Variants in ANKRD17 observed in about 807,000 individuals in gnomAD.
ANKRD17 encodes the protein ankyrin repeat domain 17, also known as ankyrin repeat domain-containing protein 17.
Under a neutral mutation model 229.7 loss-of-function variants are expected in ANKRD17, and 19 were observed. The ratio of observed to expected loss-of-function variants is 0.08; its 90% confidence interval spans 0.06 to 0.12. The LOEUF (loss-of-function observed/expected upper bound fraction) is 0.12, where lower values mean the gene tolerates loss of function less well. Among genes scored for constraint, ANKRD17 ranks in the 10% least tolerant of loss-of-function variants. ANKRD17 has a pLI of 1.00. For synonymous variants in ANKRD17, 1,112 were observed against 1,146.1 expected (o/e 0.97, Z 0.60); for missense variants, 2,176 against 3,176.8 (o/e 0.68, Z 7.57).
chr4:73,244,468 T>A (rs191989956), intron 1 of ANKRD17, among the ~76,000 whole-genome samples: 4 of 152,256 alleles, frequency 2.6e-5, no homozygotes, highest in Admixed American at 6.5e-5. Context: ...TTAAAAAAAA[T>A]TTAACTCAAA....
At chr4:73,086,244 CA>C (rs1234083657) in intron 29 of ANKRD17, among the ~76,000 whole-genome samples, 1 of 151,946 alleles carries the variant, frequency 6.6e-6, no homozygotes, top group African/African-American at 2.4e-5. Context: ...AATCCAAAAC[CA>C]AAAACCATAT....
At chr4:73,212,853 TA>T (rs986917717) in intron 1 of ANKRD17, among the ~76,000 whole-genome samples, 1 of 143,964 alleles carries the variant, frequency 6.9e-6, no homozygotes, top group Non-Finnish European at 1.5e-5. Flanking sequence ...CCGTCTCTAC[TA>T]AAAAAATACA....
chr4:73,141,873 G>A, intron 13 of ANKRD17, 30 bp from the exon 14 acceptor site: 10 of 1,549,374 alleles, frequency 6.5e-6, no homozygotes, highest in Non-Finnish European at 8.9e-6. Context: ...GTGACTATTA[G>A]TGTCCTACAC....
At chr4:73,213,141 A>G (rs564529136) in intron 1 of ANKRD17, among the ~76,000 whole-genome samples, 1 of 152,210 alleles carries the variant, frequency 6.6e-6, no homozygotes, top group South Asian at 2.1e-4. Flanking sequence ...AAACTTAAGC[A>G]TGTCACACAA....
chr4:73,158,453 T>A (rs1462817166), intron 3 of ANKRD17, among the ~76,000 whole-genome samples: 2 of 152,242 alleles, frequency 1.3e-5, no homozygotes, highest in African/African-American at 4.8e-5. Context: ...GCATTTGCTG[T>A]TCCTGTGCCA....
chr4:73,237,811 C>T (rs747755135), intron 1 of ANKRD17, among the ~76,000 whole-genome samples: 2 of 152,096 alleles, frequency 1.3e-5, no homozygotes, highest in African/African-American at 4.8e-5. Flanking sequence ...TCTTTATTAA[C>T]AGTATGATAA....
chr4:73,174,011 A>T (rs530616896), intron 2 of ANKRD17, among the ~76,000 whole-genome samples: 1 of 150,716 alleles, frequency 6.6e-6, no homozygotes, highest in African/African-American at 2.4e-5. Context: ...CTATGAAGCC[A>T]GTATCACCCT....
In ANKRD17 at chr4:73,127,170, G is replaced by A. The variant is rs183770732; in HGVS notation, c.3235-1858C>T. 1.0e-3 allele frequency among the ~76,000 whole-genome samples: 158 copies of A among 152,178 alleles called. 4 individuals are homozygous for A. Among genetic ancestry groups the A allele is most frequent in the Non-Finnish European group, 3.2e-4 (22 of 68,002 alleles). On this transcript the variant is annotated intron_variant, in intron 16 of 33. Transcript: ENST00000358602. The stretch of plus-strand genomic sequence containing the variant: ...ATACTTTAAGTAGGGTGACAAATCT[G>A]GGACTGAGGGGGTTTCTGGGATGAG...
chr4:73,173,436 C>A (rs1013439950), intron 2 of ANKRD17, among the ~76,000 whole-genome samples: 1 of 152,056 alleles, frequency 6.6e-6, no homozygotes, highest in African/African-American at 2.4e-5. Context: ...AGAAAGATGG[C>A]AGAGAGGAGA....
At chr4:73,213,216 G>A (rs1390429034) in intron 1 of ANKRD17, among the ~76,000 whole-genome samples, 1 of 152,078 alleles carries the variant, frequency 6.6e-6, no homozygotes, top group East Asian at 1.9e-4. Context: ...CAAGGACTAG[G>A]CAAGTGGCAA....
chr4:73,191,250 AGT>A (rs1578336436), intron 1 of ANKRD17, among the ~76,000 whole-genome samples: 2 of 152,060 alleles, frequency 1.3e-5, no homozygotes, highest in East Asian at 3.9e-4. Context: ...TAAGATTTCA[AGT>A]CAGTAGGAAA....
rs144093797 is a variant in ANKRD17, at chr4:73,085,415, A to G, written c.6993T>C (p.Ser2331=). ...GIVNMDSPYG[S]VTPSSTHLGN... ...CCAAATGTGTTGAAGAAGGTGTTAC[A>G]GAACCATATGGCGAGTCCATATTGA... The change falls in exon 30 of 34, where the codon TCT becomes TCC. Residue 2331 remains serine (S), a synonymous_variant. Coordinates refer to ENST00000358602, the MANE Select transcript of ANKRD17 (RefSeq NM_032217.5). The G allele has an allele frequency of 8.0e-4, 1,297 of 1,614,198 alleles. 20 individuals carry two copies. In the Admixed American group the frequency reaches 0.021, roughly 26 times the overall value.
intron 1 of ANKRD17, among the ~76,000 whole-genome samples, chr4:73,206,523 A>G (rs898705490): frequency 6.6e-6 from 1 of 152,026 alleles, no homozygotes; most frequent in Non-Finnish European, 1.5e-5. Context: ...TTGCAACAAC[A>G]TGGAGGAACC....
chr4:73,201,122 A>G (rs1560712259), intron 1 of ANKRD17, among the ~76,000 whole-genome samples: 2 of 152,116 alleles, frequency 1.3e-5, no homozygotes, highest in Non-Finnish European at 2.9e-5. Context: ...AACAAAAGAC[A>G]TAAAAAGTCA....
intron 24 of ANKRD17, among the ~76,000 whole-genome samples, chr4:73,107,467 A>AG (rs1724783851): frequency 6.6e-6 from 1 of 152,218 alleles, no homozygotes; most frequent in South Asian, 2.1e-4. Flanking sequence ...GGATACAGAT[A>AG]AATAGAATGC....
intron 1 of ANKRD17, among the ~76,000 whole-genome samples, chr4:73,227,705 G>C (rs1742650679): frequency 6.6e-6 from 1 of 151,946 alleles, no homozygotes; most frequent in South Asian, 2.1e-4. Flanking sequence ...GGACAAAAAA[G>C]CTCAGTAAAT....
At chr4:73,257,004 C>A (rs1745511356) in intron 1 of ANKRD17, among the ~76,000 whole-genome samples, 2 of 152,174 alleles carry the variant, frequency 1.3e-5, no homozygotes, top group Admixed American at 1.3e-4. Flanking sequence ...TCAACAGAGA[C>A]CAGGATTCAA....
At chr4:73,094,658 T>C (rs1723107661) in intron 27 of ANKRD17, among the ~76,000 whole-genome samples, 2 of 150,812 alleles carry the variant, frequency 1.3e-5, no homozygotes, top group Admixed American at 6.6e-5. Context: ...AAATGTATTA[T>C]ATATACATAT....
intron 16 of ANKRD17, among the ~76,000 whole-genome samples, chr4:73,133,115 T>C (rs1728437072): frequency 6.6e-6 from 1 of 151,754 alleles, no homozygotes; most frequent in African/African-American, 2.4e-5. Context: ...CCAGGCGTGA[T>C]GGTGGGCGCC....
Sources: gnomAD v4.1 joint callset for allele counts (sites outside exome capture counted in the v4.1 genomes callset) on GRCh38, gnomAD v4.1.1 for gene constraint, MANE v1.5 for transcripts, NCBI Gene and HGNC (gene_info 2026-07-23, HGNC 2026-07-21) for gene names.